Variants in ZC3H7A observed in about 807,000 individuals in gnomAD.
The protein encoded by ZC3H7A is zinc finger CCCH-type containing 7A.
In ZC3H7A, 44 loss-of-function variants were observed where a neutral mutation model predicts 125.5. That is an observed-to-expected ratio of 0.35 (90% CI 0.28 to 0.45). The LOEUF is 0.45. Among genes scored for constraint, ZC3H7A ranks in the 20% least tolerant of loss-of-function variants. ZC3H7A has a pLI of 1.00. For synonymous variants in ZC3H7A, 399 were observed against 391.2 expected (o/e 1.02, Z -0.23); for missense variants, 977 against 1,170.7 (o/e 0.83, Z 2.41).
chr16:11,757,343 GTGT>G lies in ZC3H7A; in HGVS notation c.2429-976_2429-974del, dbSNP rs566822514. Among the ~76,000 whole-genome samples, 388 of 152,082 alleles carry G rather than the reference GTGT, an allele frequency of 2.6e-3. 1 individual carries two copies. Among genetic ancestry groups the G allele is most frequent in the African/African-American group, 8.9e-3 (370 of 41,478 alleles). Reference sequence around the variant, plus strand: ...ACTAAAAATACAAAAAATTAGCCGGGTGTGGTGGCAGGCGCCTGTAGTCCCAGC... The same window carrying G: ...ACTAAAAATACAAAAAATTAGCCGGGGGTGGCAGGCGCCTGTAGTCCCAGC... On this transcript the variant is annotated intron_variant, in intron 20 of 22. Coordinates refer to ENST00000355758, the MANE Select transcript of ZC3H7A (RefSeq NM_014153.4).
At chr16:11,760,453 C>G (rs977565667) in intron 19 of ZC3H7A, among the ~76,000 whole-genome samples, 4 of 152,250 alleles carry the variant, frequency 2.6e-5, no homozygotes, top group East Asian at 3.9e-4. Flanking sequence ...ACAAACCTAC[C>G]AACGCCTTGA....
At position 11,765,776 on chromosome 16, in the gene ZC3H7A, G is replaced by A. The variant is rs537240144; in HGVS notation, c.1523-91C>T. On this transcript the variant is annotated intron_variant, in intron 13 of 22. Transcript: ENST00000355758. This position sits in a 1 kb window ranked among gnomAD's most constrained non-coding sequence, Gnocchi z 4.8. ...GGAGGCTGAGGTGGGAGGATCCCTTGAGCCCAGGAGTTCAAGGCTGCGGTG... is the reference window on the plus strand; with the variant it reads ...GGAGGCTGAGGTGGGAGGATCCCTTAAGCCCAGGAGTTCAAGGCTGCGGTG... The A allele has an allele frequency of 2.2e-4, 280 of 1,299,630 alleles. No homozygotes were observed. The highest frequency in any genetic ancestry group is 7.8e-4 in the African/African-American group (53 of 67,820). The allele number at this position is 1,299,630 out of a possible 1,614,324, so 80.5% of individuals were successfully genotyped here.
At chr16:11,794,997 C>A (rs1404763905) in intron 1 of ZC3H7A, among the ~76,000 whole-genome samples, 1 of 152,130 alleles carries the variant, frequency 6.6e-6, no homozygotes, top group African/African-American at 2.4e-5. Flanking sequence ...AATCAACGGG[C>A]TCTTTGTAGA....
chr16:11,766,941 T>C (rs16958633), intron 13 of ZC3H7A, among the ~76,000 whole-genome samples: 2,340 of 152,204 alleles, frequency 0.015, 71 homozygotes, highest in African/African-American at 0.054. Context: ...AACATCTCAA[T>C]CCAAGGAACT....
intron 1 of ZC3H7A, among the ~76,000 whole-genome samples, chr16:11,784,186 G>C (rs1346393626): frequency 3.9e-5 from 6 of 152,072 alleles, no homozygotes; most frequent in Non-Finnish European, 7.4e-5. Flanking sequence ...AGCCAAAAGG[G>C]GGGTAGCTGG....
At chr16:11,786,841 C>T (rs1418770611) in intron 1 of ZC3H7A, among the ~76,000 whole-genome samples, 1 of 152,204 alleles carries the variant, frequency 6.6e-6, no homozygotes, top group Non-Finnish European at 1.5e-5. Flanking sequence ...ATCTGCCCAT[C>T]TTTATCTATC....
chr16:11,787,074 C>T (rs1406207828), intron 1 of ZC3H7A, among the ~76,000 whole-genome samples: 1 of 152,074 alleles, frequency 6.6e-6, no homozygotes, highest in Non-Finnish European at 1.5e-5. Context: ...CTTGGGAGGC[C>T]AAGGCAGGAG....
Position 11,762,720 on chromosome 16 carries a change from T to G in ZC3H7A, c.2030A>C (p.Glu677Ala), listed in dbSNP as rs758072264. The G allele has an allele frequency of 3.7e-6, 6 of 1,613,956 alleles. No homozygotes were observed. Among genetic ancestry groups the G allele is most frequent in the East Asian group, 2.2e-5 (1 of 44,882 alleles). Reference sequence around the variant, plus strand: ...CAAATTCTGCCAATATCGTTTAGACTCTTGAGCAATAGCATCATGTGAGAT... The same window carrying G: ...CAAATTCTGCCAATATCGTTTAGACGCTTGAGCAATAGCATCATGTGAGAT... ...TGISHDAIAQ[E>A]SKRYWQNLEA... The change falls in exon 17 of 23, where the codon GAG (glutamate) becomes GCG (alanine). Residue 677 changes from glutamate (E) to alanine (A), a missense_variant. Around this residue, in one of 3 missense-constraint regions of ZC3H7A, gnomAD observed 436 missense variants for 603.2 expected, o/e 0.72. Transcript: ENST00000355758.
chr16:11,775,036 G>T (rs748782763), intron 7 of ZC3H7A, 23 bp from the exon 8 acceptor site: 2 of 1,613,234 alleles, frequency 1.2e-6, no homozygotes, highest in Non-Finnish European at 1.7e-6. Flanking sequence ...CCAAACAATG[G>T]GTTATAATAT....
Position 11,775,332 on chromosome 16 carries a change from C to T in ZC3H7A, c.586-319G>A, listed in dbSNP as rs190880687. Among the ~76,000 whole-genome samples the T allele has an allele frequency of 1.5e-4, 23 of 151,016 alleles. No homozygotes were observed. In the East Asian group the frequency reaches 3.9e-3, roughly 26 times the overall value. On this transcript the variant is annotated intron_variant, in intron 7 of 22. Transcript: ENST00000355758. The stretch of plus-strand genomic sequence containing the variant: ...GCTGCAGTGAGCTGAGATAGCGCCA[C>T]TGCACTCCAGCCTAGGTGACAGAGC...
intron 1 of ZC3H7A, among the ~76,000 whole-genome samples, chr16:11,791,207 T>C (rs1001544330): frequency 5.3e-5 from 8 of 151,332 alleles, no homozygotes; most frequent in Non-Finnish European, 1.0e-4. Flanking sequence ...CTCCGTACGG[T>C]GACCTAGCAG....
chr16:11,762,550 C>G, intron 17 of ZC3H7A, 121 bp downstream of exon 17: 1 of 911,302 alleles, frequency 1.1e-6, no homozygotes, highest in Non-Finnish European at 1.7e-6. Flanking sequence ...AATGACTCAC[C>G]TGAATGAATA....
At chr16:11,759,541 G>T (rs1597537785) in intron 19 of ZC3H7A, 1 of 152,080 alleles carries the variant, frequency 6.6e-6, no homozygotes, top group East Asian at 1.9e-4. Context: ...TCAAACCCCA[G>T]TAAGTACTTA....
intron 21 of ZC3H7A, chr16:11,753,248 G>A: frequency 5.8e-6 from 1 of 171,646 alleles, no homozygotes; most frequent in Non-Finnish European, 1.2e-5. Context: ...TGTGGCATCA[G>A]GAATTTAAAG....
intron 20 of ZC3H7A, among the ~76,000 whole-genome samples, chr16:11,757,809 C>G (rs2052678511): frequency 6.6e-6 from 1 of 152,198 alleles, no homozygotes; most frequent in South Asian, 2.1e-4. Context: ...TGGCAGGCAA[C>G]AGTCAAATCT....
chr16:11,762,540 A>T, intron 17 of ZC3H7A, 131 bp downstream of exon 17: 1 of 837,590 alleles, frequency 1.2e-6, no homozygotes, highest in South Asian at 1.7e-5. Context: ...TTCACATAAG[A>T]ATGACTCACC....
Position 11,782,320 on chromosome 16 carries a change from T to A in ZC3H7A, c.35A>T (p.Gln12Leu). The change falls in exon 2 of 23, where the codon CAG (glutamine) becomes CTG (leucine). Residue 12 changes from glutamine to leucine, a missense_variant. By Grantham distance (113) the Gln-to-Leu change is moderately radical. Coordinates refer to ENST00000355758, the MANE Select transcript of ZC3H7A (RefSeq NM_014153.4). ...CTGCAGTCCTTCCTTAATGTTCTGC[T>A]GCCTTTTTCTTCTCTCCTCGGACAC... ...SNVSEERRKR[Q>L]QNIKEGLQFI... 1 of 1,614,218 alleles carries A rather than the reference T, an allele frequency of 6.2e-7. No individual in the cohort carries two copies. The highest frequency in any genetic ancestry group is 8.5e-7 in the Non-Finnish European group (1 of 1,180,038).
chr16:11,785,477 G>A (rs1323492428), intron 1 of ZC3H7A, among the ~76,000 whole-genome samples: 5 of 150,836 alleles, frequency 3.3e-5, no homozygotes, highest in Admixed American at 6.6e-5. Context: ...CTGCACTCCC[G>A]CCTGGGCAAG....
chr16:11,791,088 AACACACACACACACACACACACACACAC>A (rs34972921), intron 1 of ZC3H7A, among the ~76,000 whole-genome samples: 2 of 136,016 alleles, frequency 1.5e-5, no homozygotes, highest in Non-Finnish European at 3.1e-5. Context: ...AAATTTTTAA[AACACACACACACACACACACACACACAC>A]ACACACACAC....
Sources: gnomAD v4.1 joint callset for allele counts (sites outside exome capture counted in the v4.1 genomes callset) on GRCh38, gnomAD v4.1.1 for gene constraint, gnomAD v4.1.1 regional missense constraint, Gnocchi (gnomAD v3.1) non-coding constraint, MANE v1.5 for transcripts, NCBI Gene and HGNC (gene_info 2026-07-23, HGNC 2026-07-21) for gene names.